The following DNAAF9 variants were observed in gnomAD, a reference collection of about 807,000 sequenced individuals.
DNAAF9 encodes the protein dynein axonemal assembly factor 9.
In DNAAF9, 90 loss-of-function variants were observed where a neutral mutation model predicts 167.0. That is an observed-to-expected ratio of 0.54 (90% confidence interval 0.45 to 0.64). The LOEUF is 0.64. DNAAF9 is among the 30% of genes least tolerant of loss of function. The probability of loss-of-function intolerance (pLI) is 0.00; values close to 1 mark genes in which losing one functional copy is unlikely to be tolerated. For missense variants in DNAAF9, 1,315 were observed against 1,442.2 expected (o/e 0.91, Z 1.43); for synonymous variants, 491 against 508.8 (o/e 0.96, Z 0.47).
intron 16 of DNAAF9, among the ~76,000 whole-genome samples, chr20:3,321,921 C>T (rs2069622984): frequency 6.6e-6 from 1 of 152,160 alleles, no homozygotes; most frequent in South Asian, 2.1e-4. Flanking sequence ...TCTCAGCTAC[C>T]TGTAGGAAGG....
At chr20:3,296,275 A>C in intron 23 of DNAAF9, 1 of 375,678 alleles carries the variant, frequency 2.7e-6, no homozygotes, top group South Asian at 2.0e-5. Flanking sequence ...GGCGCCCCCC[A>C]AGACAGGTGA....
intron 10 of DNAAF9, among the ~76,000 whole-genome samples, chr20:3,335,694 T>C (rs1276902531): frequency 7.1e-6 from 1 of 141,808 alleles, no homozygotes; most frequent in Non-Finnish European, 1.5e-5. Context: ...GAGGTGGAGG[T>C]TGCAGTGAGC....
At chr20:3,370,359 C>T (rs1038673135) in intron 6 of DNAAF9, among the ~76,000 whole-genome samples, 1 of 152,014 alleles carries the variant, frequency 6.6e-6, no homozygotes. Context: ...AGCTATCCTC[C>T]GGCCTCAGCC....
chr20:3,355,846 T>C (rs2083278534), intron 7 of DNAAF9, among the ~76,000 whole-genome samples: 1 of 152,156 alleles, frequency 6.6e-6, no homozygotes, highest in African/African-American at 2.4e-5. Flanking sequence ...GTTTTCATTT[T>C]CTTTAGTTTC....
chr20:3,311,386 A>G (rs2069411368), intron 20 of DNAAF9, among the ~76,000 whole-genome samples: 1 of 151,918 alleles, frequency 6.6e-6, no homozygotes, highest in South Asian at 2.1e-4. Flanking sequence ...TCAGCCTCCC[A>G]AAGTGCTGGG....
chr20:3,332,959 T>A (rs1227296253), intron 10 of DNAAF9, among the ~76,000 whole-genome samples: 1 of 150,668 alleles, frequency 6.6e-6, no homozygotes. Context: ...GGCTATATTG[T>A]GAGGGTGCTG....
rs6037545 is a variant in DNAAF9, at chr20:3,314,276, G to C, written c.1678+757C>G. On this transcript the variant is annotated intron_variant, in intron 20 of 36. Coordinates refer to ENST00000252032, the MANE Select transcript of DNAAF9 (RefSeq NM_001009984.3). ...TAATGGGATGAGACCCTTGGGAGGA[G>C]GTAACAAGGGACATGAATTATGGGG... Among the ~76,000 whole-genome samples, 996 of 152,194 alleles carry C rather than the reference G, an allele frequency of 6.5e-3. 9 individuals are homozygous for C. The highest frequency in any genetic ancestry group is 0.023 in the African/African-American group (953 of 41,514).
At chr20:3,282,371 A>G (rs1469981550) in intron 27 of DNAAF9, among the ~76,000 whole-genome samples, 1 of 152,162 alleles carries the variant, frequency 6.6e-6, no homozygotes, top group African/African-American at 2.4e-5. Flanking sequence ...TTCAAAATAT[A>G]ACTAGAAGAG....
At chr20:3,255,355 G>A in intron 34 of DNAAF9, 71 bp from the exon 35 acceptor site, 1 of 940,930 alleles carries the variant, frequency 1.1e-6, no homozygotes, top group Non-Finnish European at 1.7e-6. Flanking sequence ...GGAGGGCTCT[G>A]GGCTCTATTA....
Position 3,268,897 on chromosome 20 carries a change from C to CTTTTTTTTTTTTTTTT in DNAAF9, c.2786+1514_2786+1529dup, listed in dbSNP as rs386393120. 3.4e-4 allele frequency among the ~76,000 whole-genome samples: 29 copies of CTTTTTTTTTTTTTTTT among 85,844 alleles called. 1 individual carries two copies. Among genetic ancestry groups the CTTTTTTTTTTTTTTTT allele is most frequent in the African/African-American group, 8.8e-4 (19 of 21,494 alleles). 56.3% of individuals were successfully genotyped at this position (85,844 alleles called of 152,430 possible). ...GTAAAGAGATAATATCTCTATGTTACTTTTTTTTTTTTTTTTTTTTTTTTG... is the reference window on the plus strand; with the variant it reads ...GTAAAGAGATAATATCTCTATGTTACTTTTTTTTTTTTTTTTTTTTTTTTTTTTTTTTTTTTTTTTG... On this transcript the variant is annotated intron_variant, in intron 30 of 36. Coordinates refer to ENST00000252032, the MANE Select transcript of DNAAF9 (RefSeq NM_001009984.3).
intron 21 of DNAAF9, among the ~76,000 whole-genome samples, chr20:3,303,823 A>G (rs1159614889): frequency 6.6e-6 from 1 of 152,262 alleles, no homozygotes; most frequent in East Asian, 1.9e-4. Context: ...GGAAACCCAT[A>G]GCTACCATCT....
At chr20:3,285,405 G>A (rs117067929) in intron 27 of DNAAF9, among the ~76,000 whole-genome samples, 9,432 of 152,034 alleles carry the variant, frequency 0.062, 374 homozygotes, top group Non-Finnish European at 0.082. Flanking sequence ...GGAACTGGGC[G>A]CGGTGGCTCA....
At chr20:3,261,095 G>T (rs1282389333) in intron 31 of DNAAF9, among the ~76,000 whole-genome samples, 1 of 152,168 alleles carries the variant, frequency 6.6e-6, no homozygotes. Context: ...AGGCTGGAGT[G>T]CAGTGGTGTG....
At chr20:3,259,445 T>C (rs1020881371) in intron 33 of DNAAF9, 35 bp downstream of exon 33, 6 of 1,295,732 alleles carry the variant, frequency 4.6e-6, no homozygotes, top group African/African-American at 2.9e-5. Context: ...AAGCACTCCA[T>C]GGTGTAGAGC....
At chr20:3,380,272 A>C (rs1372613979) in intron 3 of DNAAF9, among the ~76,000 whole-genome samples, 1 of 152,190 alleles carries the variant, frequency 6.6e-6, no homozygotes, top group Non-Finnish European at 1.5e-5. Context: ...ACCAAATTTG[A>C]ATGGAAAAAA....
intron 33 of DNAAF9, among the ~76,000 whole-genome samples, chr20:3,257,625 C>A (rs550708301): frequency 1.3e-5 from 2 of 152,200 alleles, no homozygotes; most frequent in South Asian, 2.1e-4. Flanking sequence ...CTCACTGCAA[C>A]GGCCGCCTCC....
intron 1 of DNAAF9, among the ~76,000 whole-genome samples, chr20:3,402,045 T>G (rs2083995129): frequency 6.6e-6 from 1 of 152,194 alleles, no homozygotes; most frequent in South Asian, 2.1e-4. Flanking sequence ...GTGTGAAATA[T>G]CTTCATCCTT....
At chr20:3,366,132 G>C (rs745340364) in intron 6 of DNAAF9, among the ~76,000 whole-genome samples, 1 of 152,168 alleles carries the variant, frequency 6.6e-6, no homozygotes, top group African/African-American at 2.4e-5. Flanking sequence ...CTAGATTGGT[G>C]AATCTTTTTG....
At chr20:3,288,404 C>T (rs6115840) in intron 26 of DNAAF9, among the ~76,000 whole-genome samples, 39,381 of 152,070 alleles carry the variant, frequency 0.26, 5,350 homozygotes, top group East Asian at 0.37. Flanking sequence ...GAGCTGAGAT[C>T]GCACCACTGC....
Sources: gnomAD v4.1 joint callset for allele counts (sites outside exome capture counted in the v4.1 genomes callset) on GRCh38, gnomAD v4.1.1 for gene constraint, MANE v1.5 for transcripts, NCBI Gene and HGNC (gene_info 2026-07-23, HGNC 2026-07-21) for gene names.